The following CSMD3 variants were observed in gnomAD, a reference collection of about 807,000 sequenced individuals.
CSMD3 encodes CUB and sushi domain-containing protein 3.
CSMD3 carries 177 observed loss-of-function variants against 435.2 expected under a neutral mutation model. The ratio of observed to expected loss-of-function variants is 0.41; its 90% CI spans 0.36 to 0.46. The LOEUF is 0.46. Among genes scored for constraint, CSMD3 ranks in the 20% least tolerant of loss-of-function variants. CSMD3 has a pLI of 0.34. For synonymous variants in CSMD3, 1,656 were observed against 1,520.5 expected, an observed-to-expected ratio of 1.09 and a Z score of -2.07; for missense variants, 4,265 against 4,504.6, an observed-to-expected ratio of 0.95 and a Z score of 1.52.
intron 2 of CSMD3, among the ~76,000 whole-genome samples, chr8:113,306,772 G>A (rs1428898768): frequency 6.6e-6 from 1 of 152,090 alleles, no homozygotes; most frequent in Non-Finnish European, 1.5e-5. Flanking sequence ...CTTGTTATAT[G>A]TTAATTATAA....
At chr8:113,395,464 CG>C (rs1401673548) in intron 1 of CSMD3, among the ~76,000 whole-genome samples, 7 of 151,880 alleles carry the variant, frequency 4.6e-5, no homozygotes, top group Non-Finnish European at 8.8e-5. Flanking sequence ...AAAAAATTAG[CG>C]GGGCGTGGTG....
At chr8:112,248,524 T>A (rs1384461829) in intron 63 of CSMD3, among the ~76,000 whole-genome samples, 1 of 152,098 alleles carries the variant, frequency 6.6e-6, no homozygotes, top group Non-Finnish European at 1.5e-5. Flanking sequence ...TAAGGGATAT[T>A]TAGGGTCTGC....
At chr8:112,536,551 A>G (rs1826105365) in intron 27 of CSMD3, among the ~76,000 whole-genome samples, 1 of 152,168 alleles carries the variant, frequency 6.6e-6, no homozygotes, top group South Asian at 2.1e-4. Context: ...AGAAATAGGA[A>G]CACTTTTACA....
intron 13 of CSMD3, among the ~76,000 whole-genome samples, chr8:112,719,825 A>C (rs751425816): frequency 2.0e-5 from 3 of 152,230 alleles, no homozygotes; most frequent in Non-Finnish European, 4.4e-5. Context: ...CAGTTATTCC[A>C]AACTTTATTT....
At chr8:112,713,135 G>C (rs1467801578) in intron 13 of CSMD3, among the ~76,000 whole-genome samples, 1 of 152,010 alleles carries the variant, frequency 6.6e-6, no homozygotes, top group East Asian at 1.9e-4. Context: ...GCCCACCTGA[G>C]AGCCACATGG....
At chr8:113,368,680 G>A (rs1588612885) in intron 1 of CSMD3, among the ~76,000 whole-genome samples, 1 of 152,084 alleles carries the variant, frequency 6.6e-6, no homozygotes, top group East Asian at 1.9e-4. Flanking sequence ...AGCAAGTGAT[G>A]CCCTGATGAC....
At chr8:112,768,666 C>T (rs2078038828) in intron 13 of CSMD3, among the ~76,000 whole-genome samples, 1 of 151,890 alleles carries the variant, frequency 6.6e-6, no homozygotes, top group Non-Finnish European at 1.5e-5. Context: ...GTGGACTAGA[C>T]TTTCCACATC....
chr8:113,137,419 G>T (rs76338065), intron 4 of CSMD3, among the ~76,000 whole-genome samples: 313 of 151,656 alleles, frequency 2.1e-3, no homozygotes, highest in East Asian at 0.012. Flanking sequence ...ATTTTAATTT[G>T]TCTTGTTTAG....
At chr8:112,661,341 G>T (rs1462387402) in intron 17 of CSMD3, among the ~76,000 whole-genome samples, 1 of 152,128 alleles carries the variant, frequency 6.6e-6, no homozygotes, top group African/African-American at 2.4e-5. Flanking sequence ...AATTCTAAAG[G>T]TATCTAAACA....
At chr8:113,218,623 G>T (rs557468336) in intron 3 of CSMD3, among the ~76,000 whole-genome samples, 4 of 151,178 alleles carry the variant, frequency 2.6e-5, no homozygotes, top group African/African-American at 9.7e-5. Flanking sequence ...AAAAACATTT[G>T]ACAAGTACTA....
chr8:112,347,229 A>G (rs189173261), intron 40 of CSMD3, among the ~76,000 whole-genome samples: 2 of 152,266 alleles, frequency 1.3e-5, no homozygotes, highest in East Asian at 3.9e-4. Flanking sequence ...TTTAAATATA[A>G]TTAGATAGAA....
At chr8:113,139,984 G>A (rs1396476913) in intron 4 of CSMD3, among the ~76,000 whole-genome samples, 2 of 150,896 alleles carry the variant, frequency 1.3e-5, no homozygotes, top group Non-Finnish European at 3.0e-5. Context: ...TTATTATGGT[G>A]CAAATGCAAT....
In CSMD3 at chr8:113,090,831, ATTCCCACCCCCTT is replaced by A. The variant is rs576970175; in HGVS notation, c.917+7912_917+7924del. Among the ~76,000 whole-genome samples, 33 of 152,212 alleles carry A rather than the reference ATTCCCACCCCCTT, an allele frequency of 2.2e-4. No homozygotes were observed. In the South Asian group the frequency reaches 6.8e-3, roughly 32 times the overall value. ...CAAAATACTGCCCAGCAATCCTTTG[ATTCCCACCCCCTT>A]TTTCTCACATTCTCCAGAGAAAGTA... On this transcript the variant is annotated intron_variant, in intron 5 of 70. Transcript: ENST00000297405.
At chr8:112,618,254 T>G (rs2131502261) in intron 22 of CSMD3, among the ~76,000 whole-genome samples, 1 of 152,226 alleles carries the variant, frequency 6.6e-6, no homozygotes, top group Non-Finnish European at 1.5e-5. Flanking sequence ...AACAGAAGAC[T>G]TCCAATTCTT....
At chr8:113,233,328 TAA>T (rs1293755131) in intron 3 of CSMD3, among the ~76,000 whole-genome samples, 1 of 151,388 alleles carries the variant, frequency 6.6e-6, no homozygotes, top group Non-Finnish European at 1.5e-5. Flanking sequence ...GTAGTGATTC[TAA>T]GATTCCTTTT....
chr8:113,255,657 G>T (rs968340548), intron 3 of CSMD3, among the ~76,000 whole-genome samples: 1 of 151,802 alleles, frequency 6.6e-6, no homozygotes, highest in Non-Finnish European at 1.5e-5. Flanking sequence ...GTTCAATCCT[G>T]CTAATAAAGG....
At chr8:112,570,841 G>C (rs534712725) in intron 24 of CSMD3, among the ~76,000 whole-genome samples, 1 of 152,178 alleles carries the variant, frequency 6.6e-6, no homozygotes, top group South Asian at 2.1e-4. Context: ...TTTGTTTACA[G>C]ATATGATATG....
chr8:112,449,038 C>T (rs1586360092), intron 32 of CSMD3, among the ~76,000 whole-genome samples: 1 of 152,160 alleles, frequency 6.6e-6, no homozygotes, highest in Non-Finnish European at 1.5e-5. Context: ...AGGGTACTTT[C>T]AGGGTTTTTC....
At chr8:113,399,004 G>C (rs2094496471) in intron 1 of CSMD3, among the ~76,000 whole-genome samples, 1 of 143,852 alleles carries the variant, frequency 7.0e-6, no homozygotes, top group East Asian at 2.1e-4. Flanking sequence ...TTTGTTGCAG[G>C]AAAAAAAGGA....
Sources: allele counts gnomAD v4.1 joint callset (sites outside exome capture counted in the v4.1 genomes callset), GRCh38; gene constraint gnomAD v4.1.1; transcripts MANE v1.5; gene names NCBI Gene and HGNC (gene_info 2026-07-23, HGNC 2026-07-21).